The following GTF3C3 variants were observed in gnomAD, a reference collection of about 807,000 sequenced individuals.
GTF3C3 encodes general transcription factor 3C polypeptide 3.
In GTF3C3, 75 loss-of-function variants were observed where a neutral mutation model predicts 105.2. That is an observed-to-expected ratio of 0.71 (90% confidence interval 0.59 to 0.86). The LOEUF (loss-of-function observed/expected upper bound fraction) is 0.86. Among genes scored for constraint, GTF3C3 ranks in the 40% least tolerant of loss-of-function variants. The probability of loss-of-function intolerance (pLI) is 0.00; values close to 1 mark genes in which losing one functional copy is unlikely to be tolerated. For synonymous variants in GTF3C3, 335 were observed against 370.4 expected (o/e 0.90, Z 1.10); for missense variants, 856 against 1,076.5 (o/e 0.80, Z 2.87).
intron 6 of GTF3C3, among the ~76,000 whole-genome samples, chr2:196,787,921 T>C (rs143009526): frequency 2.6e-4 from 39 of 152,326 alleles, no homozygotes; most frequent in African/African-American, 9.4e-4. Flanking sequence ...GAATTCCACA[T>C]AGGAAAGACC....
chr2:196,768,056 C>CTA (rs1699100430), intron 16 of GTF3C3, among the ~76,000 whole-genome samples: 1 of 152,244 alleles, frequency 6.6e-6, no homozygotes. Flanking sequence ...GAGTCTTGCT[C>CTA]TATCACACAG....
At chr2:196,773,773 C>T (rs1699217786) in intron 13 of GTF3C3, 1 of 332,522 alleles carries the variant, frequency 3.0e-6, no homozygotes, top group Non-Finnish European at 6.1e-6. Context: ...ATTCAATTCT[C>T]ATAAGGAGCG....
chr2:196,794,129 C>A (rs1156723399), intron 2 of GTF3C3, among the ~76,000 whole-genome samples: 2 of 152,086 alleles, frequency 1.3e-5, no homozygotes, highest in East Asian at 3.9e-4. Context: ...GAAGACAGAC[C>A]TGAGCTAGCA....
chr2:196,778,953 T>C lies in GTF3C3; in HGVS notation c.1333A>G (p.Ser445Gly). 1.2e-6 allele frequency: 2 copies of C among 1,613,990 alleles called. No individual in the cohort carries two copies. Among genetic ancestry groups the C allele is most frequent in the Non-Finnish European group, 1.7e-6 (2 of 1,179,928 alleles). The part of the protein sequence containing the change: ...GEYNSALPLL[S>G]ALVCSERYNL... ...TATCTTTCAGAGCAAACAAGAGCAC[T>C]GAGGAGGGGAAGTGCAGAATTATAT... Residue 445 changes from serine to glycine, a missense_variant, in exon 10 of 18, where the codon AGT becomes GGT. Physicochemically the swap from Ser to Gly is moderately conservative, Grantham distance 56 (BLOSUM62 0). Transcript: ENST00000263956.
chr2:196,797,109 T>C (rs1260938849), intron 2 of GTF3C3, among the ~76,000 whole-genome samples: 1 of 152,214 alleles, frequency 6.6e-6, no homozygotes, highest in African/African-American at 2.4e-5. Context: ...TGAAGCTACA[T>C]TCTAACTGAC....
rs1377456364 is a variant in GTF3C3, at chr2:196,764,537, A to G, written c.*26T>C. On this transcript the variant is annotated 3_prime_UTR_variant, in exon 18 of 18. Transcript: ENST00000263956. ...CACTGGTCCTCACACAGCAGCTGCC[A>G]TTGCTCTGTTCTCAGTTGCGGTGCT... The G allele has an allele frequency of 5.0e-6, 8 of 1,604,068 alleles. No individual in the cohort carries two copies. Among genetic ancestry groups the G allele is most frequent in the Non-Finnish European group, 6.8e-6 (8 of 1,173,680 alleles).
In GTF3C3 at chr2:196,764,251, TA is replaced by T. The variant is rs1311428433; in HGVS notation, c.*311del. The T allele has an allele frequency of 5.0e-6, 1 of 198,804 alleles. No individual in the cohort carries two copies. The highest frequency in any genetic ancestry group is 1.0e-5 in the Non-Finnish European group (1 of 96,832). 12.3% of individuals were successfully genotyped at this position (198,804 alleles called of 1,614,324 possible). ...CTATAGTATTAAATACAAAGATGAATAAATGGTGTGAGTGAAAAATAGTGTA... is the reference window on the plus strand; with the variant it reads ...CTATAGTATTAAATACAAAGATGAATAATGGTGTGAGTGAAAAATAGTGTA... On this transcript the variant is annotated 3_prime_UTR_variant, in exon 18 of 18. Transcript: ENST00000263956.
rs1156916654 is a variant in GTF3C3, at chr2:196,766,838, G to T, written c.2386-121C>A. 8.0e-5 allele frequency: 53 copies of T among 666,238 alleles called. 1 individual carries two copies. Among genetic ancestry groups the T allele is most frequent in the Non-Finnish European group, 1.5e-5 (6 of 395,446 alleles). 41.3% of individuals were successfully genotyped at this position (666,238 alleles called of 1,614,324 possible). A position where few individuals can be genotyped will look rare whatever the true frequency, so the allele number is the denominator to read the frequency against. ...TTAAAAACCTATCTATCTGCTTAGT[G>T]TCCTATTACTGTGTAGTATTACAGT... On this transcript the variant is annotated intron_variant, in intron 16 of 17. Transcript: ENST00000263956.
intron 10 of GTF3C3, chr2:196,778,187 C>T (rs1427675849): frequency 6.6e-6 from 1 of 152,018 alleles, no homozygotes; most frequent in African/African-American, 2.4e-5. Context: ...CAAGACTATT[C>T]GATCTTTAAT....
chr2:196,764,646 C>T lies in GTF3C3; in HGVS notation c.2578G>A (p.Ala860Thr), dbSNP rs762951054. ...TGATAGATGAGAGACAAGTTGTAGG[C>T]AATATCTCTTCGTAAGTCTAACTGG... Reference protein sequence around the residue: ...LDQLDLRRDIAYNLSLIYQSS... With the variant: ...LDQLDLRRDITYNLSLIYQSS... Residue 860 changes from alanine to threonine, a missense_variant, in exon 18 of 18, where the codon GCC becomes ACC. By Grantham distance (58) the Ala-to-Thr change is moderately conservative. Around this residue, in one of 3 missense-constraint regions of GTF3C3, gnomAD observed 134 missense variants for 128.9 expected, o/e 1.04. Coordinates refer to ENST00000263956, the MANE Select transcript of GTF3C3 (RefSeq NM_012086.5). The T allele has an allele frequency of 1.2e-6, 2 of 1,610,754 alleles. No homozygotes were observed. Among genetic ancestry groups the T allele is most frequent in the African/African-American group, 1.3e-5 (1 of 74,818 alleles).
chr2:196,764,412 T>C lies in GTF3C3; in HGVS notation c.*151A>G, dbSNP rs1699022785. On this transcript the variant is annotated 3_prime_UTR_variant, in exon 18 of 18. Transcript: ENST00000263956. ...ATAATTTTGCATATATACCACAAGA[T>C]CATTATCACATATTAAAAATAAATA... 1 of 692,944 alleles carries C rather than the reference T, an allele frequency of 1.4e-6. No homozygotes were observed. The highest frequency in any genetic ancestry group is 2.2e-6 in the Non-Finnish European group (1 of 448,844). The allele number at this position is 692,944 out of a possible 1,614,324, so 42.9% of individuals were successfully genotyped here.
At chr2:196,784,986 AT>A in intron 7 of GTF3C3, 57 bp from the exon 8 acceptor site, 1 of 1,139,666 alleles carries the variant, frequency 8.8e-7, no homozygotes, top group African/African-American at 1.5e-5. Flanking sequence ...CCATTTCATA[AT>A]GCAAAGATTT....
chr2:196,781,353 A>ATATATATATAT (rs1376220822), intron 8 of GTF3C3, among the ~76,000 whole-genome samples: 130 of 23,026 alleles, frequency 5.6e-3, no homozygotes, highest in Middle Eastern at 0.038. Context: ...AAAAAAAAAA[A>ATATATATATAT]AAAAATATAT....
chr2:196,782,365 C>T (rs912773816), intron 8 of GTF3C3, among the ~76,000 whole-genome samples: 2 of 152,114 alleles, frequency 1.3e-5, no homozygotes, highest in Non-Finnish European at 1.5e-5. Context: ...AGAGTCCAAA[C>T]GGACTAAGAC....
At chr2:196,781,832 G>A (rs567353281) in intron 8 of GTF3C3, among the ~76,000 whole-genome samples, 2 of 152,200 alleles carry the variant, frequency 1.3e-5, no homozygotes, top group South Asian at 2.1e-4. Context: ...TAAGCCCTGA[G>A]CTCCATGAGG....
At chr2:196,778,738 C>A in intron 10 of GTF3C3, 158 bp downstream of exon 10, 4 of 644,458 alleles carry the variant, frequency 6.2e-6, no homozygotes. Context: ...ATGGGGAAAT[C>A]ACTTAGTAGC....
rs1367683528 is a variant in GTF3C3, at chr2:196,764,467, C to CATTTCTATTT, written c.*86_*95dup. 1.9e-5 allele frequency: 21 copies of CATTTCTATTT among 1,085,332 alleles called. No individual in the cohort carries two copies. Among genetic ancestry groups the CATTTCTATTT allele is most frequent in the Non-Finnish European group, 2.6e-5 (20 of 778,124 alleles). The allele number at this position is 1,085,332 out of a possible 1,614,324, so 67.2% of individuals were successfully genotyped here. A position where few individuals can be genotyped will look rare whatever the true frequency, so the allele number is the denominator to read the frequency against. On this transcript the variant is annotated 3_prime_UTR_variant, in exon 18 of 18. Transcript: ENST00000263956. ...GTTTGTTAGGTAATTCTGAAATTGT[C>CATTTCTATTT]ATTTCTATTTTGGAGTTACAAATAA...
chr2:196,794,288 C>T (rs1435798691), intron 2 of GTF3C3, among the ~76,000 whole-genome samples: 3 of 151,934 alleles, frequency 2.0e-5, no homozygotes, highest in East Asian at 1.9e-4. Context: ...TATAAATTAC[C>T]GAGTTTCAAG....
chr2:196,795,225 A>G (rs1218775026), intron 2 of GTF3C3, among the ~76,000 whole-genome samples: 3 of 151,942 alleles, frequency 2.0e-5, no homozygotes, highest in Non-Finnish European at 4.4e-5. Flanking sequence ...TTTAGTAAAG[A>G]TGGGGTTTCA....
Sources: allele counts gnomAD v4.1 joint callset (sites outside exome capture counted in the v4.1 genomes callset), GRCh38; gene constraint gnomAD v4.1.1; regional missense constraint gnomAD v4.1.1; transcripts MANE v1.5; gene names NCBI Gene and HGNC (gene_info 2026-07-23, HGNC 2026-07-21).